Variants in FER1L6 observed in about 807,000 individuals in gnomAD.
The protein encoded by FER1L6 is fer-1 like family member 6, also known as fer-1-like protein 6.
A neutral mutation model predicts 219.2 loss-of-function variants in FER1L6; 177 were observed. The ratio of observed to expected loss-of-function variants is 0.81; its 90% CI spans 0.71 to 0.91. FER1L6 has a LOEUF of 0.91. FER1L6 is among the 40% of genes least tolerant of loss of function. FER1L6 has a pLI of 0.00. For synonymous variants in FER1L6, 768 were observed against 824.3 expected, an observed-to-expected ratio of 0.93 and a Z score of 1.17; for missense variants, 2,153 against 2,259.9, an observed-to-expected ratio of 0.95 and a Z score of 0.96.
chr8:123,869,147 G>T (rs1816884968), intron 1 of FER1L6, among the ~76,000 whole-genome samples: 1 of 152,130 alleles, frequency 6.6e-6, no homozygotes, highest in Admixed American at 6.6e-5. Context: ...AAAAAACAAA[G>T]GATTACACTA....
intron 1 of FER1L6, among the ~76,000 whole-genome samples, chr8:123,887,437 T>C (rs1194448378): frequency 6.6e-6 from 1 of 151,986 alleles, no homozygotes. Flanking sequence ...TGGCTGGAGG[T>C]CAGTTTCCAT....
At chr8:124,034,322 C>T (rs1159727872) in intron 18 of FER1L6, among the ~76,000 whole-genome samples, 3 of 152,112 alleles carry the variant, frequency 2.0e-5, no homozygotes, top group African/African-American at 4.8e-5. Flanking sequence ...GGTCCTGGGA[C>T]TCCTTAGAGG....
chr8:123,973,873 C>T (rs886475738), intron 7 of FER1L6, among the ~76,000 whole-genome samples: 1 of 152,198 alleles, frequency 6.6e-6, no homozygotes, highest in Non-Finnish European at 1.5e-5. Flanking sequence ...GACTTAACTT[C>T]TCTGGGCCTC....
intron 1 of FER1L6, among the ~76,000 whole-genome samples, chr8:123,883,144 G>T (rs533289926): frequency 2.0e-5 from 3 of 152,166 alleles, no homozygotes; most frequent in Admixed American, 2.0e-4. Context: ...TAATGAGAAG[G>T]TGTGAACAAT....
At chr8:124,061,348 T>C (rs1246724691) in intron 24 of FER1L6, among the ~76,000 whole-genome samples, 4 of 152,114 alleles carry the variant, frequency 2.6e-5, no homozygotes, top group African/African-American at 4.8e-5. Context: ...ACTGGACATA[T>C]ATCCCCAGTT....
In FER1L6 at chr8:123,853,425, G is replaced by T. The variant is rs1449985158; in HGVS notation, c.-8+1240G>T. Among the ~76,000 whole-genome samples, 1 of 152,180 alleles carries T rather than the reference G, an allele frequency of 6.6e-6. No individual in the cohort carries two copies. The highest frequency in any genetic ancestry group is 6.5e-5 in the Admixed American group (1 of 15,278). ...CCACCTCAGCCTCCCAAAGTGCTGGGATTATAGGCGTGAGCCACCGTACCC... is the reference window on the plus strand; with the variant it reads ...CCACCTCAGCCTCCCAAAGTGCTGGTATTATAGGCGTGAGCCACCGTACCC... On this transcript the variant is annotated intron_variant, in intron 1 of 40. Coordinates refer to ENST00000522917, the MANE Select transcript of FER1L6 (RefSeq NM_001039112.2). This position sits in a 1 kb window ranked among gnomAD's most constrained non-coding sequence, Gnocchi z 6.6.
At position 124,003,239 on chromosome 8, in the gene FER1L6, A is replaced by C. The variant is rs1586577311; in HGVS notation, c.1592A>C (p.Asp531Ala). The stretch of plus-strand genomic sequence containing the variant: ...AAGTCAGCTGAATCAGCTGAAGAAG[A>C]CCTCCTTCCACTGCTTCACGAAGGG... ...SKKSAESAEEDLLPLLHEGQG... is the reference protein window; with the variant it reads ...SKKSAESAEEALLPLLHEGQG... The change falls in exon 13 of 41, where the codon GAC becomes GCC. Residue 531 changes from aspartate (D) to alanine (A), a missense_variant. Coordinates refer to ENST00000522917, the MANE Select transcript of FER1L6 (RefSeq NM_001039112.2). 3 of 1,613,766 alleles carry C rather than the reference A, an allele frequency of 1.9e-6. No individual in the cohort carries two copies. The highest frequency in any genetic ancestry group is 2.5e-6 in the Non-Finnish European group (3 of 1,179,920).
At chr8:123,877,675 A>G (rs1157337600) in intron 1 of FER1L6, among the ~76,000 whole-genome samples, 1 of 151,970 alleles carries the variant, frequency 6.6e-6, no homozygotes, top group Non-Finnish European at 1.5e-5. Flanking sequence ...CATTTTTCCA[A>G]GATTTCTCCA....
intron 35 of FER1L6, among the ~76,000 whole-genome samples, chr8:124,096,070 CCA>C (rs1190050471): frequency 6.6e-6 from 1 of 152,122 alleles, no homozygotes; most frequent in Non-Finnish European, 1.5e-5. Flanking sequence ...CCCTGCTATC[CCA>C]GAGTTATTGG....
chr8:123,964,736 C>G (rs1327658069), intron 3 of FER1L6, among the ~76,000 whole-genome samples: 1 of 152,172 alleles, frequency 6.6e-6, no homozygotes, highest in Non-Finnish European at 1.5e-5. Context: ...CATTCTCCAG[C>G]AATTGAAATT....
Position 124,119,764 on chromosome 8 carries a change from A to G in FER1L6, c.5548A>G (p.Ser1850Gly), listed in dbSNP as rs569626652. ...LFIYTLPGAI[S>G]RRIVVGS The stretch of plus-strand genomic sequence containing the variant: ...CATCTACACCTTGCCAGGAGCCATC[A>G]GCCGAAGGATCGTTGTGGGCTCATA... Residue 1850 changes from serine to glycine, a missense_variant, in exon 41 of 41, where the codon AGC (serine) becomes GGC (glycine). Physicochemically the swap from Ser to Gly is moderately conservative, Grantham distance 56. Transcript: ENST00000522917. 6.2e-6 allele frequency: 10 copies of G among 1,614,074 alleles called. No homozygotes were observed. In the South Asian group the frequency reaches 8.8e-5, roughly 14 times the overall value.
chr8:124,105,755 G>C (rs931915999), intron 39 of FER1L6, among the ~76,000 whole-genome samples: 1 of 152,128 alleles, frequency 6.6e-6, no homozygotes, highest in Non-Finnish European at 1.5e-5. Flanking sequence ...ACACTCAAAT[G>C]TCCATCAGCT....
At chr8:123,973,760 A>G (rs1815928063) in intron 7 of FER1L6, among the ~76,000 whole-genome samples, 1 of 152,208 alleles carries the variant, frequency 6.6e-6, no homozygotes. Flanking sequence ...AGATATGGAC[A>G]GGAGAGGCAA....
chr8:123,957,002 C>T (rs1328455703), intron 2 of FER1L6, among the ~76,000 whole-genome samples: 1 of 152,156 alleles, frequency 6.6e-6, no homozygotes, highest in Non-Finnish European at 1.5e-5. Flanking sequence ...ATGGGGTGGT[C>T]CTCTGGAGAC....
At position 123,977,397 on chromosome 8, in the gene FER1L6, C is replaced by G. The variant is rs747434970; in HGVS notation, c.871-20C>G. The G allele has an allele frequency of 6.2e-7, 1 of 1,607,256 alleles. No homozygotes were observed. Among genetic ancestry groups the G allele is most frequent in the Non-Finnish European group, 8.5e-7 (1 of 1,176,070 alleles). ...AGTCAGTCCCTTCCATGACTCATGT[C>G]CTCCTGGCTGTGTTTTTAGGGGCGA... On this transcript the variant is annotated intron_variant, in intron 9 of 40. Transcript: ENST00000522917.
At chr8:124,015,603 A>ATGTG (rs368834848) in intron 15 of FER1L6, among the ~76,000 whole-genome samples, 1 of 99,410 alleles carries the variant, frequency 1.0e-5, no homozygotes, top group African/African-American at 6.3e-5. Context: ...ATATATATAT[A>ATGTG]TATATATATA....
chr8:123,994,372 T>A (rs936960742), intron 12 of FER1L6, among the ~76,000 whole-genome samples: 1 of 152,128 alleles, frequency 6.6e-6, no homozygotes, highest in Non-Finnish European at 1.5e-5. Context: ...GGGAAACAGT[T>A]CTCTGACCAC....
At chr8:124,104,711 TAAG>T (rs1822691103) in intron 39 of FER1L6, among the ~76,000 whole-genome samples, 2 of 152,236 alleles carry the variant, frequency 1.3e-5, no homozygotes, top group South Asian at 4.1e-4. Flanking sequence ...TGTATATTAA[TAAG>T]CAGTAAATTT....
At chr8:123,962,788 C>T (rs1000182546) in intron 2 of FER1L6, among the ~76,000 whole-genome samples, 27 of 152,078 alleles carry the variant, frequency 1.8e-4, no homozygotes, top group African/African-American at 6.0e-4. Context: ...CCACCATGCC[C>T]GGCTAATTTT....
Sources: gnomAD v4.1 joint callset for allele counts (sites outside exome capture counted in the v4.1 genomes callset) on GRCh38, gnomAD v4.1.1 for gene constraint, Gnocchi (gnomAD v3.1) non-coding constraint, MANE v1.5 for transcripts, NCBI Gene and HGNC (gene_info 2026-07-23, HGNC 2026-07-21) for gene names.